HEATR5A: variants seen among roughly 807,000 people sequenced by gnomAD.
The protein encoded by HEATR5A is HEAT repeat-containing protein 5A.
In HEATR5A, 178 loss-of-function variants were observed where a neutral mutation model predicts 218.8. The ratio of observed to expected loss-of-function variants is 0.81; its 90% CI spans 0.72 to 0.92. The LOEUF (loss-of-function observed/expected upper bound fraction) is 0.92, where lower values mean the gene tolerates loss of function less well. Among genes scored for constraint, HEATR5A ranks in the 40% least tolerant of loss-of-function variants. The pLI is 0.00. For missense variants in HEATR5A, 2,420 were observed against 2,418.9 expected (o/e 1.00, Z -0.01); for synonymous variants, 864 against 871.6 (o/e 0.99, Z 0.15).
chr14:31,322,777 C>T (rs2139167742), intron 24 of HEATR5A, among the ~76,000 whole-genome samples: 1 of 150,136 alleles, frequency 6.7e-6, no homozygotes, highest in Non-Finnish European at 1.5e-5. Context: ...TGTGATCATG[C>T]CACTGCACTC....
At chr14:31,406,755 C>T (rs1320600322) in intron 1 of HEATR5A, among the ~76,000 whole-genome samples, 1 of 151,906 alleles carries the variant, frequency 6.6e-6, no homozygotes, top group East Asian at 1.9e-4. Context: ...ATCAGGAGTT[C>T]GAGACCAGCC....
intron 6 of HEATR5A, among the ~76,000 whole-genome samples, chr14:31,390,725 C>T (rs1051732513): frequency 1.3e-5 from 2 of 152,168 alleles, no homozygotes; most frequent in African/African-American, 4.8e-5. Context: ...AACCCTACTA[C>T]ACTGCCAGTC....
At chr14:31,362,405 A>T (rs1901648110) in intron 14 of HEATR5A, among the ~76,000 whole-genome samples, 1 of 138,938 alleles carries the variant, frequency 7.2e-6, no homozygotes. Context: ...AATCCAAGTT[A>T]AAAAAAAAAA....
At chr14:31,367,703 C>G (rs1223133533) in intron 13 of HEATR5A, among the ~76,000 whole-genome samples, 1 of 149,804 alleles carries the variant, frequency 6.7e-6, no homozygotes, top group Non-Finnish European at 1.5e-5. Context: ...ATAGCATGAG[C>G]CACTGTGCCC....
At chr14:31,327,124 G>GCCAC (rs1288559419) in intron 22 of HEATR5A, among the ~76,000 whole-genome samples, 1 of 151,574 alleles carries the variant, frequency 6.6e-6, no homozygotes, top group East Asian at 1.9e-4. Context: ...ACAGGTGCCT[G>GCCAC]CCACCATGTC....
chr14:31,365,931 TG>T (rs1419476710), intron 13 of HEATR5A, among the ~76,000 whole-genome samples: 3 of 150,778 alleles, frequency 2.0e-5, no homozygotes, highest in Non-Finnish European at 4.4e-5. Context: ...TCCTCAAGTG[TG>T]GGGATTACAG....
At position 31,344,033 on chromosome 14, in the gene HEATR5A, A is replaced by T. The variant is rs1900931189; in HGVS notation, c.3091T>A (p.Ser1031Thr). The change falls in exon 21 of 36, where the codon TCC (serine) becomes ACC (threonine). Residue 1031 changes from serine to threonine, a missense_variant. Physicochemically the swap from Ser to Thr is moderately conservative, Grantham distance 58 (BLOSUM62 1). Transcript: ENST00000543095. ...ATTACTGCACAACCCAGTAGACAGG[A>T]AGTCCTTAAGGTAGAAATTGAAGTA... is the stretch of plus-strand genomic sequence containing the variant. ...NSTSISTLRT[S>T]CLLGCAVMQD... 1 of 1,571,484 alleles carries T rather than the reference A, an allele frequency of 6.4e-7. No individual in the cohort carries two copies. Among genetic ancestry groups the T allele is most frequent in the East Asian group, 2.3e-5 (1 of 44,114 alleles).
chr14:31,362,979 G>A (rs906835567), intron 14 of HEATR5A, among the ~76,000 whole-genome samples: 2 of 152,044 alleles, frequency 1.3e-5, no homozygotes, highest in African/African-American at 4.8e-5. Context: ...GTTCACACCT[G>A]TAATCCCAGC....
At chr14:31,392,223 C>A (rs972619587) in intron 6 of HEATR5A, among the ~76,000 whole-genome samples, 1 of 152,206 alleles carries the variant, frequency 6.6e-6, no homozygotes, top group African/African-American at 2.4e-5. Context: ...ACAGATGATA[C>A]TAGCTTTGAA....
Position 31,336,217 on chromosome 14 carries a change from CATAT to C in HEATR5A, c.3367+1255_3367+1258del, listed in dbSNP as rs3033610. Among the ~76,000 whole-genome samples, 316 of 38,078 alleles carry C rather than the reference CATAT, an allele frequency of 8.3e-3. 1 individual carries two copies. Among genetic ancestry groups the C allele is most frequent in the African/African-American group, 0.018 (265 of 14,524 alleles). The allele number at this position is 38,078 out of a possible 152,430, so 25.0% of individuals were successfully genotyped here. On this transcript the variant is annotated intron_variant, in intron 22 of 35. Coordinates refer to ENST00000543095, the MANE Select transcript of HEATR5A (RefSeq NM_015473.4). ...GGTTATTTTTATATATACATACATA[CATAT>C]ATATATATATATATATATATATATA...
At chr14:31,397,872 T>C (rs2030719522) in intron 4 of HEATR5A, among the ~76,000 whole-genome samples, 1 of 152,040 alleles carries the variant, frequency 6.6e-6, no homozygotes, top group Non-Finnish European at 1.5e-5. Context: ...GCCCAGGTGG[T>C]CTCAAACTCC....
At chr14:31,325,142 A>G (rs564912801) in intron 23 of HEATR5A, among the ~76,000 whole-genome samples, 1 of 152,330 alleles carries the variant, frequency 6.6e-6, no homozygotes, top group South Asian at 2.1e-4. Flanking sequence ...ATAAAACAGA[A>G]TAAAATTGTC....
chr14:31,294,033 G>A lies in HEATR5A; in HGVS notation c.5691C>T (p.Tyr1897=), dbSNP rs1350901520. The change falls in exon 35 of 36, where the codon TAC becomes TAT. Residue 1897 remains tyrosine (Y), a synonymous_variant. Coordinates refer to ENST00000543095, the MANE Select transcript of HEATR5A (RefSeq NM_015473.4). ...TGATACAGGATGCTAAAGAGTAAAT[G>A]TATGGGTAGGAAACAGCTGGATTTG... is the stretch of plus-strand genomic sequence containing the variant. ...QYPNPAVSYP[Y]IYSLASCIME... 1 of 1,604,222 alleles carries A rather than the reference G, an allele frequency of 6.2e-7. No individual in the cohort carries two copies. Among genetic ancestry groups the A allele is most frequent in the South Asian group, 1.1e-5 (1 of 88,940 alleles).
Position 31,295,976 on chromosome 14 carries a change from G to A in HEATR5A, c.5552C>T (p.Thr1851Ile). ...ACAGCGCTTCTGAAGGCATGGGATG[G>A]TAGTTACTTCTGGACTGGTAGACAA... ...FILSTSPEVT[T>I]IPCLQKRCID... The change falls in exon 34 of 36, where the codon ACC becomes ATC. Residue 1851 changes from threonine (T) to isoleucine (I), a missense_variant. Thr to Ile is a moderately conservative substitution (Grantham distance 89). Transcript: ENST00000543095. 1 of 1,613,320 alleles carries A rather than the reference G, an allele frequency of 6.2e-7. No homozygotes were observed. Among genetic ancestry groups the A allele is most frequent in the Non-Finnish European group, 8.5e-7 (1 of 1,179,392 alleles).
At chr14:31,380,941 GTCTC>G (rs1348824488) in intron 10 of HEATR5A, among the ~76,000 whole-genome samples, 1 of 152,104 alleles carries the variant, frequency 6.6e-6, no homozygotes, top group Non-Finnish European at 1.5e-5. Flanking sequence ...TCTTACAGGA[GTCTC>G]TCTCTTAAAA....
intron 1 of HEATR5A, among the ~76,000 whole-genome samples, chr14:31,415,348 T>C (rs902741105): frequency 6.6e-6 from 1 of 152,208 alleles, no homozygotes; most frequent in African/African-American, 2.4e-5. Context: ...GCCACTTTCA[T>C]GTCCTACTCA....
rs57787677 is a variant in HEATR5A, at chr14:31,311,018, A to AAACC, written c.4442-1840_4442-1837dup. Among the ~76,000 whole-genome samples, 564 of 148,802 alleles carry AAACC rather than the reference A, an allele frequency of 3.8e-3. 4 individuals carry two copies. Among genetic ancestry groups the AAACC allele is most frequent in the African/African-American group, 0.013 (515 of 40,214 alleles). Reference sequence around the variant, plus strand: ...CAACCCAGCAACACCCTGTCTCTAAAAACCAACCAACCAACCAACCAACCA... The same window carrying AAACC: ...CAACCCAGCAACACCCTGTCTCTAAAAACCAACCAACCAACCAACCAACCAACCA... On this transcript the variant is annotated intron_variant, in intron 28 of 35. Coordinates refer to ENST00000543095, the MANE Select transcript of HEATR5A (RefSeq NM_015473.4).
At position 31,343,976 on chromosome 14, in the gene HEATR5A, G is replaced by C. The variant is rs759467447; in HGVS notation, c.3148C>G (p.Gln1050Glu). 4 of 1,611,982 alleles carry C rather than the reference G, an allele frequency of 2.5e-6. No individual in the cohort carries two copies. Among genetic ancestry groups the C allele is most frequent in the Non-Finnish European group, 3.4e-6 (4 of 1,179,018 alleles). Reference sequence around the variant, plus strand: ...AGCTGCTGAAGGCAAGAGATGGCCTGAGCTTGAACAAGGCAGTCTGGGTTA... The same window carrying C: ...AGCTGCTGAAGGCAAGAGATGGCCTCAGCTTGAACAAGGCAGTCTGGGTTA... ...QDNPDCLVQA[Q>E]AISCLQQLHM... is the part of the protein sequence containing the mutation. Residue 1050 changes from glutamine (Q) to glutamate (E), a missense_variant, in exon 21 of 36, where the codon CAG becomes GAG. Coordinates refer to ENST00000543095, the MANE Select transcript of HEATR5A (RefSeq NM_015473.4).
intron 22 of HEATR5A, among the ~76,000 whole-genome samples, chr14:31,328,617 C>T (rs766561216): frequency 2.0e-5 from 3 of 152,112 alleles, no homozygotes; most frequent in Non-Finnish European, 2.9e-5. Context: ...CAGTGGCTCA[C>T]GCCCATAATC....
Sources: gnomAD v4.1 joint callset for allele counts (sites outside exome capture counted in the v4.1 genomes callset) on GRCh38, gnomAD v4.1.1 for gene constraint, MANE v1.5 for transcripts, NCBI Gene and HGNC (gene_info 2026-07-23, HGNC 2026-07-21) for gene names.